Variants in NQO2 observed in about 807,000 individuals in gnomAD.
NQO2 encodes N-ribosyldihydronicotinamide:quinone dehydrogenase 2.
Under a neutral mutation model 22.0 loss-of-function variants are expected in NQO2, and 18 were observed. That is an observed-to-expected ratio of 0.82 (90% confidence interval 0.56 to 1.21). NQO2 has a LOEUF of 1.21. Among genes scored for constraint, NQO2 ranks in the 50% most tolerant of loss-of-function variants. The probability of loss-of-function intolerance (pLI) is 0.00; values close to 1 mark genes in which losing one functional copy is unlikely to be tolerated. For missense variants in NQO2, 267 were observed against 286.9 expected (o/e 0.93, Z 0.50); for synonymous variants, 106 against 110.8 (o/e 0.96, Z 0.28).
intron 6 of NQO2, among the ~76,000 whole-genome samples, chr6:3,018,323 T>G (rs1406545284): frequency 6.6e-6 from 1 of 152,140 alleles, no homozygotes; most frequent in Admixed American, 6.5e-5. Flanking sequence ...CTGGCCAACA[T>G]GGCGAAACCC....
chr6:3,015,183 T>G, intron 4 of NQO2: 2 of 1,327,330 alleles, frequency 1.5e-6, no homozygotes, highest in South Asian at 2.5e-5. Flanking sequence ...GGGGCATGCT[T>G]TTCCATACTC....
chr6:3,005,687 T>G, intron 1 of NQO2: 1 of 985,346 alleles, frequency 1.0e-6, no homozygotes, highest in Non-Finnish European at 1.2e-6. Context: ...AAGCCAGAAT[T>G]TCAGAGATGG....
intron 4 of NQO2, chr6:3,015,055 T>C (rs1014914753): frequency 2.3e-5 from 29 of 1,266,758 alleles, no homozygotes; most frequent in Non-Finnish European, 2.7e-5. Flanking sequence ...GATAGGGAGA[T>C]CTTAGCGCTG....
chr6:3,003,129 T>G (rs1351535461), intron 1 of NQO2, among the ~76,000 whole-genome samples: 4 of 152,246 alleles, frequency 2.6e-5, no homozygotes, highest in Non-Finnish European at 5.9e-5. Flanking sequence ...ACCAGGGCAC[T>G]GTAGAGCCTC....
At position 3,010,180 on chromosome 6, in the gene NQO2, G is replaced by T. The variant is rs55771117; in HGVS notation, c.163G>T (p.Asp55Tyr). The T allele has an allele frequency of 1.2e-6, 2 of 1,609,690 alleles. No homozygotes were observed. The highest frequency in any genetic ancestry group is 1.7e-6 in the Non-Finnish European group (2 of 1,177,850). Reference protein sequence around the residue: ...MNLEPRATDKDITGTLSNPEV... With the variant: ...MNLEPRATDKYITGTLSNPEV... Reference sequence around the variant, plus strand: ...CCTTGAGCCGAGGGCCACAGACAAAGATATCACTGGTGAGTCATGGGATAA... The same window carrying T: ...CCTTGAGCCGAGGGCCACAGACAAATATATCACTGGTGAGTCATGGGATAA... The change falls in exon 3 of 7, where the codon GAT (aspartate) becomes TAT (tyrosine). Residue 55 changes from aspartate (D) to tyrosine (Y), a missense_variant. Transcript: ENST00000380455.
chr6:3,005,088 C>T (rs966039943), intron 1 of NQO2, among the ~76,000 whole-genome samples: 16 of 152,194 alleles, frequency 1.1e-4, no homozygotes, highest in African/African-American at 3.9e-4. Context: ...AGCCACGGTG[C>T]CTGACCTCAT....
At chr6:3,008,640 T>A (rs943178862) in intron 2 of NQO2, among the ~76,000 whole-genome samples, 3 of 152,100 alleles carry the variant, frequency 2.0e-5, no homozygotes, top group African/African-American at 7.2e-5. Context: ...CGGGGGAAAT[T>A]CAGCCAGATA....
In NQO2 at chr6:3,006,777, G is replaced by A. The variant is rs1318647748; in HGVS notation, c.7+218G>A. 2.4e-5 allele frequency: 12 copies of A among 496,838 alleles called. No homozygotes were observed. Among genetic ancestry groups the A allele is most frequent in the Non-Finnish European group, 7.0e-6 (2 of 286,034 alleles). The allele number at this position is 496,838 out of a possible 1,614,324, so 30.8% of individuals were successfully genotyped here. On this transcript the variant is annotated intron_variant, in intron 2 of 6. Coordinates refer to ENST00000380455, the MANE Select transcript of NQO2 (RefSeq NM_000904.6). This position sits in a 1 kb window ranked among gnomAD's most constrained non-coding sequence, Gnocchi z 4.0. ...TATCTGGAATTATCTTGTTTTCTATGTTCTCACTTGTTTCATTGTTCCTTT... is the reference window on the plus strand; with the variant it reads ...TATCTGGAATTATCTTGTTTTCTATATTCTCACTTGTTTCATTGTTCCTTT...
chr6:3,012,728 C>A lies in NQO2; in HGVS notation c.303+54C>A. 3 of 1,553,936 alleles carry A rather than the reference C, an allele frequency of 1.9e-6. No homozygotes were observed. The South Asian group carries it at 3.5e-5, about 18-fold the overall frequency. ...ATCAGATTCATCTTATGTACAAACTCTTTCTGAATATTGAGTTTTGTGCTG... is the reference window on the plus strand; with the variant it reads ...ATCAGATTCATCTTATGTACAAACTATTTCTGAATATTGAGTTTTGTGCTG... On this transcript the variant is annotated intron_variant, in intron 4 of 6. Transcript: ENST00000380455.
At position 3,006,736 on chromosome 6, in the gene NQO2, G is replaced by T. The variant is rs1466802011; in HGVS notation, c.7+177G>T. The T allele has an allele frequency of 3.4e-6, 2 of 590,604 alleles. No homozygotes were observed. Among genetic ancestry groups the T allele is most frequent in the Admixed American group, 3.7e-5 (1 of 27,224 alleles). 36.6% of individuals were successfully genotyped at this position (590,604 alleles called of 1,614,324 possible). ...CATTGTTGTAAAAAATCCAAGCCAC[G>T]TGGAAGTGTATAAACTATCTGGAAT... On this transcript the variant is annotated intron_variant, in intron 2 of 6. Transcript: ENST00000380455. This position sits in a 1 kb window ranked among gnomAD's most constrained non-coding sequence, Gnocchi z 4.0.
In NQO2 at chr6:3,006,917, AC is replaced by A. The variant is rs1197089677; in HGVS notation, c.7+362del. 17 of 404,094 alleles carry A rather than the reference AC, an allele frequency of 4.2e-5. No individual in the cohort carries two copies. The highest frequency in any genetic ancestry group is 2.2e-5 in the Non-Finnish European group (5 of 229,466). The allele number at this position is 404,094 out of a possible 1,614,324, so 25.0% of individuals were successfully genotyped here. Reference sequence around the variant, plus strand: ...CTGTAGCAGGGGCTCAAGTGAATGAACCCCAGGAGGCATCTTGGGTAAAAAT... The same window carrying A: ...CTGTAGCAGGGGCTCAAGTGAATGAACCCAGGAGGCATCTTGGGTAAAAAT... On this transcript the variant is annotated intron_variant, in intron 2 of 6. Transcript: ENST00000380455. The surrounding 1 kb of genome is among the most constrained non-coding windows in gnomAD (Gnocchi z 4.0).
chr6:3,006,373 G>A lies in NQO2; in HGVS notation c.-85-95G>A, dbSNP rs1756949594. 7.0e-6 allele frequency: 10 copies of A among 1,420,358 alleles called. No homozygotes were observed. Among genetic ancestry groups the A allele is most frequent in the Middle Eastern group, 2.2e-4 (1 of 4,502 alleles). The allele number at this position is 1,420,358 out of a possible 1,614,324, so 88.0% of individuals were successfully genotyped here. On this transcript the variant is annotated intron_variant, in intron 1 of 6. Coordinates refer to ENST00000380455, the MANE Select transcript of NQO2 (RefSeq NM_000904.6). The surrounding 1 kb of genome is among the most constrained non-coding windows in gnomAD (Gnocchi z 4.0). ...AGAGGTCTTTCTCTGATGTGTTTGCGTGTCTGTCAGGAAGCAGCAGTGATG... is the reference window on the plus strand; with the variant it reads ...AGAGGTCTTTCTCTGATGTGTTTGCATGTCTGTCAGGAAGCAGCAGTGATG...
At position 3,015,583 on chromosome 6, in the gene NQO2, G is replaced by C. The variant is rs757305379; in HGVS notation, c.357G>C (p.Arg119Ser). ...CCATCCTGAAGGGCTGGATGGATAG[G>C]GTGCTGTGCCAGGGCTTTGCCTTTG... ...VPAILKGWMD[R>S]VLCQGFAFDI... The change falls in exon 5 of 7, where the codon AGG becomes AGC. Residue 119 changes from arginine (R) to serine (S), a missense_variant. Arg to Ser is a moderately radical substitution (Grantham distance 110). Transcript: ENST00000380455. The C allele has an allele frequency of 6.2e-7, 1 of 1,614,156 alleles. No individual in the cohort carries two copies.
intron 3 of NQO2, 107 bp downstream of exon 3, chr6:3,010,296 T>C: frequency 2.1e-6 from 2 of 965,760 alleles, no homozygotes; most frequent in Non-Finnish European, 3.0e-6. Context: ...GCAAGCTAGC[T>C]TCACTTTCCA....
intron 6 of NQO2, among the ~76,000 whole-genome samples, chr6:3,018,725 C>G (rs1757425412): frequency 6.6e-6 from 1 of 152,104 alleles, no homozygotes; most frequent in Admixed American, 6.6e-5. Flanking sequence ...TACTGATAGT[C>G]TACTGAAGGA....
intron 1 of NQO2, 76 bp downstream of exon 1, chr6:3,000,161 G>A (rs1020370093): frequency 1.3e-5 from 2 of 152,380 alleles, no homozygotes; most frequent in Non-Finnish European, 2.9e-5. Context: ...ACGCTCTCAG[G>A]GATTTCAGCT....
chr6:3,018,136 T>G (rs986722354), intron 6 of NQO2, among the ~76,000 whole-genome samples: 9 of 152,204 alleles, frequency 5.9e-5, no homozygotes, highest in African/African-American at 2.2e-4. Context: ...TGCTGAATAT[T>G]GGTTTTTGAC....
At chr6:3,015,839 G>C (rs1466339766) in intron 5 of NQO2, among the ~76,000 whole-genome samples, 196 bp downstream of exon 5, 2 of 152,238 alleles carry the variant, frequency 1.3e-5, no homozygotes, top group African/African-American at 4.8e-5. Context: ...CTTTTTGTCT[G>C]GTGGGGCTGC....
At chr6:3,015,036 C>T (rs531035741) in intron 4 of NQO2, 9 of 1,180,114 alleles carry the variant, frequency 7.6e-6, no homozygotes, top group Admixed American at 6.9e-5. Context: ...AATGTTAGGG[C>T]ATCTATGGGA....
Sources: gnomAD v4.1 joint callset for allele counts (sites outside exome capture counted in the v4.1 genomes callset) on GRCh38, gnomAD v4.1.1 for gene constraint, Gnocchi (gnomAD v3.1) non-coding constraint, MANE v1.5 for transcripts, NCBI Gene and HGNC (gene_info 2026-07-23, HGNC 2026-07-21) for gene names.